SLC36A1: variants seen among roughly 807,000 people sequenced by gnomAD.
The protein encoded by SLC36A1 is proton-coupled amino acid transporter 1.
In SLC36A1, 30 loss-of-function variants were observed where a neutral mutation model predicts 47.5. The ratio of observed to expected loss-of-function variants is 0.63; its 90% confidence interval spans 0.47 to 0.86. The LOEUF (loss-of-function observed/expected upper bound fraction) is 0.86. Ranked by LOEUF, SLC36A1 falls within the 40% of genes least tolerant of loss-of-function variation. SLC36A1 has a pLI of 0.00. For synonymous variants in SLC36A1, 255 were observed against 249.7 expected (o/e 1.02, Z -0.20); for missense variants, 517 against 606.0 (o/e 0.85, Z 1.54).
chr5:151,469,801 A>T (rs7722725), intron 7 of SLC36A1, among the ~76,000 whole-genome samples: 36,342 of 150,676 alleles, frequency 0.24, 4,798 homozygotes, highest in East Asian at 0.48. Flanking sequence ...ATTAGTATTT[A>T]TATATAGTAT....
At chr5:151,532,386 CAAA>C in the SLC36A1 span, among the ~76,000 whole-genome samples, 4 of 50,162 alleles carry the variant, frequency 8.0e-5, no homozygotes, top group African/African-American at 6.2e-4. Flanking sequence ...TGTGCGTGTA[CAAA>C]CACACACACA....
chr5:151,391,474 T>C, the SLC36A1 span, among the ~76,000 whole-genome samples: 3 of 152,200 alleles, frequency 2.0e-5, no homozygotes, highest in African/African-American at 7.2e-5. Context: ...ATCCCTGTCT[T>C]GTGCCAGTTT....
chr5:151,546,162 C>T, the SLC36A1 span: 18 of 1,614,024 alleles, frequency 1.1e-5, no homozygotes, highest in Admixed American at 5.0e-5. Context: ...TGGGGGCACT[C>T]CTATCTGAGG....
the SLC36A1 span, among the ~76,000 whole-genome samples, chr5:151,418,679 G>A: frequency 6.6e-6 from 1 of 152,146 alleles, no homozygotes; most frequent in Admixed American, 6.5e-5. Flanking sequence ...GGCTCTCATA[G>A]GTGGAAAAGA....
the SLC36A1 span, among the ~76,000 whole-genome samples, chr5:151,367,374 T>TTTTTTTTTTTTTTCC: frequency 9.6e-5 from 14 of 145,526 alleles, no homozygotes; most frequent in African/African-American, 3.4e-4. Context: ...TTTTTTTTTT[T>TTTTTTTTTTTTTTCC]CCCCAGGGTA....
At chr5:151,502,001 C>T in the SLC36A1 span, among the ~76,000 whole-genome samples, 1 of 148,306 alleles carries the variant, frequency 6.7e-6, no homozygotes, top group Non-Finnish European at 1.5e-5. Flanking sequence ...AAGAAATAAG[C>T]CAGACTTCCT....
chr5:151,463,128 G>T (rs1755801058), intron 2 of SLC36A1, among the ~76,000 whole-genome samples: 1 of 152,276 alleles, frequency 6.6e-6, no homozygotes, highest in Non-Finnish European at 1.5e-5. Context: ...CACCGCTTCG[G>T]CCTCCCAAAG....
chr5:151,454,819 T>G, intron 1 of SLC36A1, among the ~76,000 whole-genome samples: 3 of 149,038 alleles, frequency 2.0e-5, no homozygotes, highest in African/African-American at 2.5e-5. Flanking sequence ...TTCACACCAT[T>G]CTCCTGCCTC....
chr5:151,456,910 C>A (rs1035212489), intron 1 of SLC36A1, among the ~76,000 whole-genome samples: 1 of 152,038 alleles, frequency 6.6e-6, no homozygotes, highest in African/African-American at 2.4e-5. Context: ...TGCTGGGTGT[C>A]GGGGCAGGGT....
At chr5:151,541,225 G>GC in the SLC36A1 span, among the ~76,000 whole-genome samples, 2 of 152,184 alleles carry the variant, frequency 1.3e-5, no homozygotes, top group African/African-American at 4.8e-5. Flanking sequence ...TTGCTTGTAA[G>GC]TCATCTTTCT....
In SLC36A1 at chr5:151,465,059, C is replaced by T; in HGVS notation, c.324-15C>T. Reference sequence around the variant, plus strand: ...CCACGTGCTCTGTCCTTCCTCTTCCCTCCTACTCTTCCAGGCTGAATAAAT... The same window carrying T: ...CCACGTGCTCTGTCCTTCCTCTTCCTTCCTACTCTTCCAGGCTGAATAAAT... On this transcript the variant is annotated splice_polypyrimidine_tract_variant and intron_variant, in intron 4 of 10. Transcript: ENST00000243389. 1.2e-6 allele frequency: 2 copies of T among 1,600,540 alleles called. No individual in the cohort carries two copies. The highest frequency in any genetic ancestry group is 1.3e-5 in the African/African-American group (1 of 74,806).
At chr5:151,432,500 C>T (rs1409748629), upstream of SLC36A1, among the ~76,000 whole-genome samples, 1 of 152,146 alleles carries the variant, frequency 6.6e-6, no homozygotes, top group African/African-American at 2.4e-5. Flanking sequence ...AGAGGGTAGG[C>T]ATCCTTTCTA....
At chr5:151,358,075 G>T in the SLC36A1 span, among the ~76,000 whole-genome samples, 3 of 152,122 alleles carry the variant, frequency 2.0e-5, no homozygotes, top group African/African-American at 7.2e-5. Flanking sequence ...TTTGACCACG[G>T]TCTGCTCAGT....
chr5:151,462,195 A>T (rs1755620374), intron 2 of SLC36A1, among the ~76,000 whole-genome samples: 1 of 152,202 alleles, frequency 6.6e-6, no homozygotes, highest in Non-Finnish European at 1.5e-5. Flanking sequence ...CTACTTGAAG[A>T]CTTTTCTGAT....
the SLC36A1 span, among the ~76,000 whole-genome samples, chr5:151,555,660 G>T: frequency 6.6e-6 from 1 of 152,100 alleles, no homozygotes; most frequent in East Asian, 1.9e-4. Context: ...ATGAGCCACC[G>T]TGCCTGGCTA....
chr5:151,467,226 C>T lies in SLC36A1; in HGVS notation c.447C>T (p.Val149=). ...GRRVVDFFLI[V]TQLGFCCVYF... is the part of the protein sequence containing the mutation. ...GTGTTGTGGACTTCTTCCTGATTGT[C>T]ACCCAGCTGGGATTCTGCTGTGTCT... The change falls in exon 6 of 11, where the codon GTC becomes GTT. Residue 149 remains valine, a synonymous_variant. Transcript: ENST00000243389. The T allele has an allele frequency of 5.6e-6, 9 of 1,612,898 alleles. No individual in the cohort carries two copies. The highest frequency in any genetic ancestry group is 7.6e-6 in the Non-Finnish European group (9 of 1,179,610).
the SLC36A1 span, among the ~76,000 whole-genome samples, chr5:151,522,856 C>A: frequency 6.6e-6 from 1 of 152,158 alleles, no homozygotes; most frequent in Non-Finnish European, 1.5e-5. Context: ...CCTGACCTCA[C>A]TGATGGGCTG....
chr5:151,453,244 A>G (rs78897039), intron 1 of SLC36A1, among the ~76,000 whole-genome samples: 1 of 152,174 alleles, frequency 6.6e-6, no homozygotes, highest in South Asian at 2.1e-4. Context: ...ATAAAATAAA[A>G]TAAAATGCTA....
the SLC36A1 span, chr5:151,507,058 G>A: frequency 1.8e-6 from 2 of 1,101,612 alleles, no homozygotes; most frequent in Admixed American, 4.8e-5. Context: ...TGGATGCGTG[G>A]TAGCTAAAAA....
Sources: allele counts gnomAD v4.1 joint callset (sites outside exome capture counted in the v4.1 genomes callset), GRCh38; gene constraint gnomAD v4.1.1; transcripts MANE v1.5; gene names NCBI Gene and HGNC (gene_info 2026-07-23, HGNC 2026-07-21).